Variants in UGCG observed in about 807,000 individuals in gnomAD.
UGCG encodes the protein UDP-glucose ceramide glucosyltransferase.
UGCG carries 10 observed loss-of-function variants against 49.5 expected under a neutral mutation model. The observed-to-expected ratio is 0.20, with a 90% confidence interval of 0.12 to 0.34. The LOEUF (loss-of-function observed/expected upper bound fraction) is 0.34, where lower values mean the gene tolerates loss of function less well. Among genes scored for constraint, UGCG ranks in the 10% least tolerant of loss-of-function variants. UGCG has a pLI of 1.00. For missense variants in UGCG, 312 were observed against 483.7 expected, an observed-to-expected ratio of 0.65 and a Z score of 3.33; for synonymous variants, 182 against 158.2, an observed-to-expected ratio of 1.15 and a Z score of -1.13.
chr9:111,928,273 A>AT (rs1397679851), intron 5 of UGCG, among the ~76,000 whole-genome samples: 1 of 152,214 alleles, frequency 6.6e-6, no homozygotes, highest in Non-Finnish European at 1.5e-5. Flanking sequence ...AAATACCAGA[A>AT]TTTTTGTTTA....
chr9:111,928,301 G>A (rs1470811580), intron 5 of UGCG, among the ~76,000 whole-genome samples: 1 of 152,130 alleles, frequency 6.6e-6, no homozygotes, highest in Non-Finnish European at 1.5e-5. Flanking sequence ...AAACTGAGTA[G>A]CCACTTTAAA....
intron 1 of UGCG, among the ~76,000 whole-genome samples, chr9:111,903,076 C>T (rs1467010630): frequency 1.3e-5 from 2 of 152,108 alleles, no homozygotes. Context: ...CTGTACCCAG[C>T]CGAGTGAAAT....
At chr9:111,900,007 A>AGTT (rs1837737829) in intron 1 of UGCG, among the ~76,000 whole-genome samples, 1 of 152,238 alleles carries the variant, frequency 6.6e-6, no homozygotes, top group African/African-American at 2.4e-5. Flanking sequence ...TGTCAAAGGT[A>AGTT]ACATTCAGAT....
intron 1 of UGCG, among the ~76,000 whole-genome samples, chr9:111,908,970 G>A (rs1014464302): frequency 1.3e-5 from 2 of 152,172 alleles, no homozygotes; most frequent in Admixed American, 6.6e-5. Flanking sequence ...CCAGGCTGGA[G>A]TGCAGTGGTG....
chr9:111,897,057 C>T lies in UGCG; in HGVS notation c.-159C>T. The T allele has an allele frequency of 5.9e-6, 2 of 339,360 alleles. No homozygotes were observed. Among genetic ancestry groups the T allele is most frequent in the South Asian group, 3.2e-5 (1 of 31,474 alleles). 21.0% of individuals were successfully genotyped at this position (339,360 alleles called of 1,614,324 possible). On this transcript the variant is annotated 5_prime_UTR_variant, in exon 1 of 9. Coordinates refer to ENST00000374279, the MANE Select transcript of UGCG (RefSeq NM_003358.3). The stretch of plus-strand genomic sequence containing the variant: ...CGCGGGCGGGGGCGCGCAGGCCCTG[C>T]CCGCCCCTTCCGTCCCCACCCCCCT...
At chr9:111,915,276 T>C (rs1421478134) in intron 2 of UGCG, among the ~76,000 whole-genome samples, 2 of 152,258 alleles carry the variant, frequency 1.3e-5, no homozygotes, top group African/African-American at 4.8e-5. Context: ...TTATACCATT[T>C]ATCTATATAA....
At chr9:111,932,449 C>T (rs1838443077) in intron 8 of UGCG, 90 bp downstream of exon 8, 1 of 1,305,242 alleles carries the variant, frequency 7.7e-7, no homozygotes, top group Admixed American at 2.3e-5. Context: ...TGTATCTGAG[C>T]CATTCTTCAG....
In UGCG at chr9:111,935,320, CATT is replaced by C. The variant is rs1589532854; in HGVS notation, c.*2324_*2326del. On this transcript the variant is annotated 3_prime_UTR_variant, in exon 9 of 9. Transcript: ENST00000374279. ...TATACCATGTTTTATTATTTAAAATCATTGTCTTAAATTTTTGTTCAAAAAATA... is the reference window on the plus strand; with the variant it reads ...TATACCATGTTTTATTATTTAAAATCGTCTTAAATTTTTGTTCAAAAAATA... 1 of 152,110 alleles carries C rather than the reference CATT, an allele frequency of 6.6e-6. No homozygotes were observed. The highest frequency in any genetic ancestry group is 1.9e-4 in the East Asian group (1 of 5,186). The allele number at this position is 152,110 out of a possible 1,614,324, so 9.4% of individuals were successfully genotyped here.
At chr9:111,901,769 G>T (rs1837777443) in intron 1 of UGCG, among the ~76,000 whole-genome samples, 1 of 152,168 alleles carries the variant, frequency 6.6e-6, no homozygotes, top group Non-Finnish European at 1.5e-5. Context: ...CATTATCCCT[G>T]CCTTTCTCTC....
intron 1 of UGCG, among the ~76,000 whole-genome samples, chr9:111,905,795 C>T (rs929100852): frequency 6.6e-6 from 1 of 152,234 alleles, no homozygotes; most frequent in Non-Finnish European, 1.5e-5. Context: ...TATATTCCTT[C>T]TTGGCCATCT....
At chr9:111,914,499 T>A (rs1331380544) in intron 1 of UGCG, 106 bp from the exon 2 acceptor site, 81 of 1,193,470 alleles carry the variant, frequency 6.8e-5, no homozygotes, top group Non-Finnish European at 9.0e-5. Flanking sequence ...TGTCAAGTTT[T>A]AAAAATCTTA....
In UGCG at chr9:111,914,682, T is replaced by C; in HGVS notation, c.176T>C (p.Leu59Pro). The C allele has an allele frequency of 6.2e-7, 1 of 1,614,148 alleles. No individual in the cohort carries two copies. The highest frequency in any genetic ancestry group is 8.5e-7 in the Non-Finnish European group (1 of 1,179,990). Reference protein sequence around the residue: ...KLPGVSLLKPLKGVDPNLINN... With the variant: ...KLPGVSLLKPPKGVDPNLINN... Reference sequence around the variant, plus strand: ...CCAGGTGTCTCTCTTCTGAAACCACTGAAAGGGGTAGATCCTAACTTAATC... The same window carrying C: ...CCAGGTGTCTCTCTTCTGAAACCACCGAAAGGGGTAGATCCTAACTTAATC... Residue 59 changes from leucine to proline, a missense_variant, in exon 2 of 9, where the codon CTG becomes CCG. Transcript: ENST00000374279.
chr9:111,914,709 A>G lies in UGCG; in HGVS notation c.203A>G (p.Asn68Ser), dbSNP rs149431349. Residue 68 changes from asparagine (N) to serine (S), a missense_variant, in exon 2 of 9, where the codon AAC becomes AGC. By Grantham distance (46) the Asn-to-Ser change is conservative. Coordinates refer to ENST00000374279, the MANE Select transcript of UGCG (RefSeq NM_003358.3). ...PLKGVDPNLI[N>S]NLETFFELDY... Reference sequence around the variant, plus strand: ...AAAGGGGTAGATCCTAACTTAATCAACAACCTGGAAACATTCTTTGAATTG... The same window carrying G: ...AAAGGGGTAGATCCTAACTTAATCAGCAACCTGGAAACATTCTTTGAATTG... 2.2e-4 allele frequency: 352 copies of G among 1,613,996 alleles called. No homozygotes were observed. Among genetic ancestry groups the G allele is most frequent in the Non-Finnish European group, 2.8e-4 (325 of 1,179,994 alleles).
At chr9:111,932,434 G>A (rs532005554) in intron 8 of UGCG, 75 bp downstream of exon 8, 2 of 1,427,468 alleles carry the variant, frequency 1.4e-6, no homozygotes, top group Non-Finnish European at 1.9e-6. Context: ...AAAAGTTGAA[G>A]GAAATGTATC....
At chr9:111,909,059 T>C (rs568402010) in intron 1 of UGCG, among the ~76,000 whole-genome samples, 2 of 152,186 alleles carry the variant, frequency 1.3e-5, no homozygotes, top group South Asian at 2.1e-4. Context: ...GCTGGAATTA[T>C]AGGCGTGTGC....
At chr9:111,897,385 T>C (rs976222216) in intron 1 of UGCG, 72 bp downstream of exon 1, 9 of 1,277,424 alleles carry the variant, frequency 7.0e-6, no homozygotes, top group Non-Finnish European at 9.8e-6. Flanking sequence ...ATGGGAAACG[T>C]TTGCGCTTTG....
At chr9:111,897,762 C>A (rs1472707661) in intron 1 of UGCG, among the ~76,000 whole-genome samples, 1 of 151,866 alleles carries the variant, frequency 6.6e-6, no homozygotes, top group South Asian at 2.1e-4. Context: ...GGATTTTCTT[C>A]TTCCTGGAAG....
intron 1 of UGCG, among the ~76,000 whole-genome samples, chr9:111,909,950 G>A (rs1437235207): frequency 6.6e-6 from 1 of 152,146 alleles, no homozygotes; most frequent in African/African-American, 2.4e-5. Flanking sequence ...TAAAGGCCCT[G>A]TGATATAGTC....
intron 1 of UGCG, among the ~76,000 whole-genome samples, chr9:111,905,707 G>A (rs148767470): frequency 0.019 from 2,835 of 152,244 alleles, 37 homozygotes; most frequent in Non-Finnish European, 0.03. Flanking sequence ...ACCCGCCTCA[G>A]CCTCCCAAAG....
Sources: gnomAD v4.1 joint callset for allele counts (sites outside exome capture counted in the v4.1 genomes callset) on GRCh38, gnomAD v4.1.1 for gene constraint, MANE v1.5 for transcripts, NCBI Gene and HGNC (gene_info 2026-07-23, HGNC 2026-07-21) for gene names.